The following ECM2 variants were observed in gnomAD, a reference collection of about 807,000 sequenced individuals.
ECM2 encodes the protein extracellular matrix protein 2, female organ and adipocyte specific.
In ECM2, 57 loss-of-function variants were observed where a neutral mutation model predicts 67.5. The observed-to-expected ratio is 0.84, with a 90% confidence interval of 0.68 to 1.05. The LOEUF is 1.05. Among genes scored for constraint, ECM2 ranks in the 50% least tolerant of loss-of-function variants. ECM2 has a pLI of 0.00. For synonymous variants in ECM2, 258 were observed against 294.5 expected (o/e 0.88, Z 1.27); for missense variants, 741 against 822.8 (o/e 0.90, Z 1.22).
At chr9:92,556,837 T>G in the ECM2 span, among the ~76,000 whole-genome samples, 1 of 152,154 alleles carries the variant, frequency 6.6e-6, no homozygotes, top group African/African-American at 2.4e-5. Flanking sequence ...TACAGTTGCA[T>G]CCATCCTGCT....
chr9:92,522,237 C>CCT (rs1477585009), intron 2 of ECM2, among the ~76,000 whole-genome samples: 4 of 151,998 alleles, frequency 2.6e-5, no homozygotes, highest in Admixed American at 2.0e-4. Context: ...CAGGTACATG[C>CCT]CACCACACCC....
At chr9:92,526,593 C>CA (rs1349576255) in intron 1 of ECM2, among the ~76,000 whole-genome samples, 2 of 148,448 alleles carry the variant, frequency 1.3e-5, no homozygotes, top group Non-Finnish European at 1.5e-5. Context: ...GAATAGAAAC[C>CA]AAAAAAACTA....
At chr9:92,540,664 G>A (rs137965754), upstream of ECM2, among the ~76,000 whole-genome samples, 6,037 of 151,794 alleles carry the variant, frequency 0.04, 182 homozygotes, top group South Asian at 0.099. Context: ...GCAGCTACTC[G>A]GGAGGCTGAG....
At chr9:92,552,878 T>C in the ECM2 span, among the ~76,000 whole-genome samples, 1 of 152,178 alleles carries the variant, frequency 6.6e-6, no homozygotes, top group East Asian at 1.9e-4. Flanking sequence ...TTATTGCATT[T>C]GCTTTTGGGT....
chr9:92,498,245 A>G (rs1034486743), intron 9 of ECM2, among the ~76,000 whole-genome samples: 28 of 152,186 alleles, frequency 1.8e-4, no homozygotes, highest in Non-Finnish European at 3.4e-4. Context: ...TGGAAGGATA[A>G]ACTAGAAATT....
intron 6 of ECM2, 152 bp downstream of exon 6, chr9:92,509,747 A>C (rs1847223051): frequency 4.1e-6 from 3 of 730,310 alleles, no homozygotes; most frequent in Non-Finnish European, 6.1e-6. Context: ...TTACCAGTCA[A>C]TAGTTAAAAG....
rs1177741255 is a variant in ECM2, at chr9:92,522,603, T to C, written c.264A>G (p.Gly88=). The change falls in exon 2 of 10, where the codon GGA becomes GGG. Residue 88 remains glycine, a synonymous_variant. Coordinates refer to ENST00000344604, the MANE Select transcript of ECM2 (RefSeq NM_001393.4). ...EKFESFSSFP[G]VESSYNVLPG... ...GTAACACATTATAACTTGATTCTACTCCAGGAAAACTTGAAAAGGATTCAA... is the reference window on the plus strand; with the variant it reads ...GTAACACATTATAACTTGATTCTACCCCAGGAAAACTTGAAAAGGATTCAA... 1 of 1,613,486 alleles carries C rather than the reference T, an allele frequency of 6.2e-7. No individual in the cohort carries two copies. The highest frequency in any genetic ancestry group is 2.2e-5 in the East Asian group (1 of 44,838).
chr9:92,500,548 C>T (rs575720195), intron 9 of ECM2, among the ~76,000 whole-genome samples, 179 bp downstream of exon 9: 5 of 152,316 alleles, frequency 3.3e-5, no homozygotes, highest in African/African-American at 1.2e-4. Flanking sequence ...ATAATGAATC[C>T]TCACATACCT....
At chr9:92,545,095 AGCCCTCGCT>A in the ECM2 span, among the ~76,000 whole-genome samples, 7 of 152,194 alleles carry the variant, frequency 4.6e-5, no homozygotes, top group Admixed American at 1.3e-4. Context: ...CAGCCCTCGC[AGCCCTCGCT>A]CGCTCTTGGC....
chr9:92,499,840 C>T (rs376074137), intron 9 of ECM2, among the ~76,000 whole-genome samples: 2 of 152,070 alleles, frequency 1.3e-5, no homozygotes, highest in African/African-American at 4.8e-5. Context: ...TTATTGTCTC[C>T]CTCACTGCCA....
chr9:92,506,537 G>T (rs1013249897), intron 6 of ECM2, among the ~76,000 whole-genome samples: 1 of 152,192 alleles, frequency 6.6e-6, no homozygotes, highest in Non-Finnish European at 1.5e-5. Context: ...CAGATTAGGG[G>T]ATGTTTTCTA....
the ECM2 span, among the ~76,000 whole-genome samples, chr9:92,552,099 A>ATCATATATATGTGATATGATAGG: frequency 8.3e-6 from 1 of 120,668 alleles, no homozygotes; most frequent in Non-Finnish European, 1.8e-5. Flanking sequence ...GATATGATAG[A>ATCATATATATGTGATATGATAGG]TCTATCATAT....
At chr9:92,541,305 T>C (rs543529251), upstream of ECM2, among the ~76,000 whole-genome samples, 2 of 152,112 alleles carry the variant, frequency 1.3e-5, no homozygotes, top group South Asian at 4.2e-4. Flanking sequence ...TATTTATTCC[T>C]CCTGTCTAAC....
upstream of ECM2, among the ~76,000 whole-genome samples, chr9:92,538,396 T>C (rs1401355467): frequency 6.6e-6 from 1 of 152,218 alleles, no homozygotes; most frequent in Non-Finnish European, 1.5e-5. Flanking sequence ...AACAACAAAA[T>C]ATTAACAGTA....
downstream of ECM2, among the ~76,000 whole-genome samples, chr9:92,494,813 A>G (rs1355717671): frequency 2.0e-5 from 3 of 152,156 alleles, no homozygotes; most frequent in East Asian, 1.9e-4. Context: ...AGGCTGAAGC[A>G]GGAGAATCGC....
chr9:92,522,949 T>C, intron 1 of ECM2, 56 bp from the exon 2 acceptor site: 1 of 1,465,870 alleles, frequency 6.8e-7, no homozygotes, highest in Non-Finnish European at 9.0e-7. Flanking sequence ...CTTCTGAAAA[T>C]TGGCTTATAT....
intron 4 of ECM2, among the ~76,000 whole-genome samples, chr9:92,513,564 A>G (rs1438283385): frequency 6.6e-6 from 1 of 152,234 alleles, no homozygotes; most frequent in Non-Finnish European, 1.5e-5. Context: ...TTTAACTGAT[A>G]GGAAACCCTG....
At chr9:92,521,075 C>A (rs1168156889) in intron 2 of ECM2, among the ~76,000 whole-genome samples, 8 of 152,126 alleles carry the variant, frequency 5.3e-5, no homozygotes, top group Non-Finnish European at 1.2e-4. Context: ...TTGAATTGTA[C>A]ACTTTAAAAT....
chr9:92,501,417 A>G (rs1444388601), intron 8 of ECM2, among the ~76,000 whole-genome samples: 1 of 152,160 alleles, frequency 6.6e-6, no homozygotes, highest in Non-Finnish European at 1.5e-5. Context: ...ATGCATCTAA[A>G]TGCCTATCTG....
Sources: gnomAD v4.1 joint callset for allele counts (sites outside exome capture counted in the v4.1 genomes callset) on GRCh38, gnomAD v4.1.1 for gene constraint, MANE v1.5 for transcripts, NCBI Gene and HGNC (gene_info 2026-07-23, HGNC 2026-07-21) for gene names.